MYOM1: variants seen among roughly 807,000 people sequenced by gnomAD.
MYOM1 encodes the protein myomesin 1.
A neutral mutation model predicts 205.3 loss-of-function variants in MYOM1; 164 were observed. That is an observed-to-expected ratio of 0.80 (90% confidence interval 0.70 to 0.91). The LOEUF is 0.91. MYOM1 is among the 40% of genes least tolerant of loss of function. The pLI is 0.00. For synonymous variants in MYOM1, 772 were observed against 789.4 expected (o/e 0.98, Z 0.37); for missense variants, 2,011 against 2,127.3 (o/e 0.95, Z 1.08).
rs539784534 is a variant in MYOM1, at chr18:3,141,580, G to A, written c.2025+359C>T. On this transcript the variant is annotated intron_variant, in intron 14 of 37. Coordinates refer to ENST00000356443, the MANE Select transcript of MYOM1 (RefSeq NM_003803.4). ...CTACTACAGAAGGAGGAGTGGTAGAGAGATGAAAAGCCATTACCAAAGCAA... is the reference window on the plus strand; with the variant it reads ...CTACTACAGAAGGAGGAGTGGTAGAAAGATGAAAAGCCATTACCAAAGCAA... Among the ~76,000 whole-genome samples, 7 of 152,300 alleles carry A rather than the reference G, an allele frequency of 4.6e-5. No individual in the cohort carries two copies. In the East Asian group the frequency reaches 1.2e-3, roughly 25 times the overall value.
chr18:3,077,831 G>A (rs1824861312), intron 34 of MYOM1, among the ~76,000 whole-genome samples: 1 of 152,202 alleles, frequency 6.6e-6, no homozygotes, highest in African/African-American at 2.4e-5. Context: ...TGCAGGCAAA[G>A]TGTGTCCTAG....
rs28411792 is a variant in MYOM1 at position 3,193,314 on chromosome 18, G to C, written c.431+504C>G. On this transcript the variant is annotated intron_variant, in intron 3 of 37. Transcript: ENST00000356443. ...TATACATATACATACATATATATATGTATATGTACATATACATATATATGT... is the reference window on the plus strand; with the variant it reads ...TATACATATACATACATATATATATCTATATGTACATATACATATATATGT... 2.1e-5 allele frequency among the ~76,000 whole-genome samples: 3 copies of C among 140,196 alleles called. No individual in the cohort carries two copies. In the South Asian group the frequency reaches 6.8e-4, roughly 32 times the overall value. The allele number at this position is 140,196 out of a possible 152,430, so 92.0% of individuals were successfully genotyped here. A position where few individuals can be genotyped will look rare whatever the true frequency, so the allele number is the denominator to read the frequency against.
chr18:3,222,948 C>T (rs752589955), upstream of MYOM1, among the ~76,000 whole-genome samples: 4 of 152,086 alleles, frequency 2.6e-5, no homozygotes, highest in Non-Finnish European at 4.4e-5. Context: ...GTGGTGCAAT[C>T]TTGGCTCACT....
chr18:3,166,459 T>C (rs1327530476), intron 9 of MYOM1, among the ~76,000 whole-genome samples: 1 of 151,096 alleles, frequency 6.6e-6, no homozygotes, highest in Non-Finnish European at 1.5e-5. Flanking sequence ...TTTTGTTTTG[T>C]TTTTTTAGTA....
intron 22 of MYOM1, 32 bp from the exon 23 acceptor site, chr18:3,102,662 C>T (rs1400527694): frequency 5.0e-6 from 8 of 1,592,086 alleles, no homozygotes; most frequent in East Asian, 2.2e-5. Context: ...ACTGATACTT[C>T]GTGGAGGAAA....
intron 4 of MYOM1, among the ~76,000 whole-genome samples, chr18:3,187,900 T>C (rs1340566403): frequency 6.7e-6 from 1 of 149,312 alleles, no homozygotes; most frequent in Non-Finnish European, 1.5e-5. Flanking sequence ...AGTGCACTGG[T>C]GCAACCTGCA....
At chr18:3,203,470 T>A (rs2081091575) in intron 2 of MYOM1, among the ~76,000 whole-genome samples, 1 of 151,780 alleles carries the variant, frequency 6.6e-6, no homozygotes, top group African/African-American at 2.4e-5. Flanking sequence ...CTTATAAGAA[T>A]TAAGAGGCTC....
chr18:3,068,076 C>G (rs1342228516), intron 37 of MYOM1, among the ~76,000 whole-genome samples: 1 of 152,240 alleles, frequency 6.6e-6, no homozygotes, highest in Middle Eastern at 3.4e-3. Context: ...CCCATCCAAT[C>G]TGCTGCAGTT....
intron 37 of MYOM1, among the ~76,000 whole-genome samples, chr18:3,070,262 T>C (rs1343667246): frequency 6.6e-6 from 1 of 151,900 alleles, no homozygotes; most frequent in Admixed American, 6.6e-5. Context: ...GATCCTCCCA[T>C]CTCAGCCTCC....
At position 3,155,370 on chromosome 18, in the gene MYOM1, C is replaced by T. The variant is rs373096485; in HGVS notation, c.1502-282G>A. Among the ~76,000 whole-genome samples the T allele has an allele frequency of 1.3e-3, 205 of 152,234 alleles. 1 individual carries two copies. Among genetic ancestry groups the T allele is most frequent in the South Asian group, 0.012 (57 of 4,822 alleles). ...CTGAGTAGCTGGGACTACAGGCACCCGCCACCACGCCCAGCTAATTTCTTT... is the reference window on the plus strand; with the variant it reads ...CTGAGTAGCTGGGACTACAGGCACCTGCCACCACGCCCAGCTAATTTCTTT... On this transcript the variant is annotated intron_variant, in intron 10 of 37. Coordinates refer to ENST00000356443, the MANE Select transcript of MYOM1 (RefSeq NM_003803.4).
intron 16 of MYOM1, among the ~76,000 whole-genome samples, chr18:3,132,089 A>T (rs1403273780): frequency 7.2e-6 from 1 of 139,296 alleles, no homozygotes; most frequent in Non-Finnish European, 1.5e-5. Flanking sequence ...TATGAGTTAT[A>T]CTCTAAAATT....
intron 34 of MYOM1, among the ~76,000 whole-genome samples, chr18:3,078,973 CTTTTT>C (rs11408756): frequency 9.4e-6 from 1 of 105,894 alleles, no homozygotes; most frequent in Non-Finnish European, 1.8e-5. Context: ...TACCCAGCTA[CTTTTT>C]TTTTTTTTTT....
intron 9 of MYOM1, among the ~76,000 whole-genome samples, chr18:3,167,760 A>T (rs6506079): frequency 6.6e-6 from 1 of 152,090 alleles, no homozygotes; most frequent in East Asian, 1.9e-4. Context: ...TAGCTTCTTC[A>T]TCTTGTTTTG....
Position 3,067,244 on chromosome 18 carries a change from C to G in MYOM1, c.*18G>C, listed in dbSNP as rs780558975. Reference sequence around the variant, plus strand: ...CACCCAAGTCACACAGGCCGGCTGGCTCTCCTCGCACCTCCGGTCACTTGG... The same window carrying G: ...CACCCAAGTCACACAGGCCGGCTGGGTCTCCTCGCACCTCCGGTCACTTGG... On this transcript the variant is annotated 3_prime_UTR_variant, in exon 38 of 38. Coordinates refer to ENST00000356443, the MANE Select transcript of MYOM1 (RefSeq NM_003803.4). The G allele has an allele frequency of 1.5e-5, 24 of 1,572,570 alleles. No individual in the cohort carries two copies. The South Asian group carries it at 2.5e-4, about 17-fold the overall frequency.
At chr18:3,084,978 C>CA in intron 31 of MYOM1, 67 bp downstream of exon 31, 1 of 1,216,876 alleles carries the variant, frequency 8.2e-7, no homozygotes, top group Non-Finnish European at 1.2e-6. Context: ...AGCTCGGCCT[C>CA]AATCATCATT....
At chr18:3,187,086 A>T (rs940288209) in intron 5 of MYOM1, among the ~76,000 whole-genome samples, 1 of 152,206 alleles carries the variant, frequency 6.6e-6, no homozygotes, top group African/African-American at 2.4e-5. Context: ...AAAAGGCAGC[A>T]TTGCTTCTGA....
intron 5 of MYOM1, among the ~76,000 whole-genome samples, chr18:3,184,228 A>G (rs1047920514): frequency 6.6e-6 from 1 of 152,190 alleles, no homozygotes; most frequent in Admixed American, 6.5e-5. Context: ...TTTTAAAAAC[A>G]TGCCCAGGAA....
At chr18:3,078,454 GA>G (rs2079045672) in intron 34 of MYOM1, among the ~76,000 whole-genome samples, 1 of 151,916 alleles carries the variant, frequency 6.6e-6, no homozygotes, top group Admixed American at 6.6e-5. Flanking sequence ...TTTAGAGACA[GA>G]ATCTTGCTCT....
chr18:3,084,953 A>T, intron 31 of MYOM1, 92 bp downstream of exon 31: 1 of 981,610 alleles, frequency 1.0e-6, no homozygotes, highest in Non-Finnish European at 1.5e-6. Flanking sequence ...AAAAATCAGC[A>T]TGATTTCAAT....
Sources: gnomAD v4.1 joint callset for allele counts (sites outside exome capture counted in the v4.1 genomes callset) on GRCh38, gnomAD v4.1.1 for gene constraint, MANE v1.5 for transcripts, NCBI Gene and HGNC (gene_info 2026-07-23, HGNC 2026-07-21) for gene names.